The following ZNF438 variants were observed in gnomAD, a reference collection of about 807,000 sequenced individuals.
ZNF438 encodes the protein zinc finger protein 438.
Under a neutral mutation model 38.0 loss-of-function variants are expected in ZNF438, and 25 were observed. The ratio of observed to expected loss-of-function variants is 0.66; its 90% CI spans 0.48 to 0.92. The LOEUF (loss-of-function observed/expected upper bound fraction) is 0.92. Ranked by LOEUF, ZNF438 falls within the 40% of genes least tolerant of loss-of-function variation. The probability of loss-of-function intolerance (pLI) is 0.00; values close to 1 mark genes in which losing one functional copy is unlikely to be tolerated. For missense variants in ZNF438, 1,007 were observed against 999.6 expected (o/e 1.01, Z -0.10); for synonymous variants, 372 against 364.1 (o/e 1.02, Z -0.25).
intron 2 of ZNF438, among the ~76,000 whole-genome samples, chr10:30,938,147 T>C (rs1305100219): frequency 6.6e-6 from 1 of 152,220 alleles, no homozygotes; most frequent in Non-Finnish European, 1.5e-5. Context: ...TCTAATTCCC[T>C]GCCCCGCACC....
In ZNF438 at chr10:30,877,013, G is replaced by T. The variant is rs750702381; in HGVS notation, c.22C>A (p.Pro8Thr). 1.6e-5 allele frequency: 26 copies of T among 1,605,224 alleles called. No homozygotes were observed. The highest frequency in any genetic ancestry group is 2.0e-5 in the Non-Finnish European group (23 of 1,175,850). ...TTTAACTTACCTTCATCTTTTGGTGGTACTGATACAGAATTCTGCATTATG... is the reference window on the plus strand; with the variant it reads ...TTTAACTTACCTTCATCTTTTGGTGTTACTGATACAGAATTCTGCATTATG... Residue 8 changes from proline (P) to threonine (T), a missense_variant, in exon 4 of 6, where the codon CCA becomes ACA. Coordinates refer to ENST00000413025, the Ensembl canonical transcript of ZNF438.
intron 1 of ZNF438, among the ~76,000 whole-genome samples, chr10:31,000,947 C>T (rs777204704): frequency 6.6e-6 from 1 of 152,122 alleles, no homozygotes; most frequent in African/African-American, 2.4e-5. Context: ...CCCCTTTTCT[C>T]CTATCCATCT....
At chr10:30,955,202 G>C (rs1424032938) in intron 1 of ZNF438, among the ~76,000 whole-genome samples, 2 of 152,192 alleles carry the variant, frequency 1.3e-5, no homozygotes, top group Admixed American at 6.5e-5. Context: ...GTAAAGAAGA[G>C]TTGGAAAATA....
At chr10:30,881,143 T>C (rs576837032) in intron 3 of ZNF438, among the ~76,000 whole-genome samples, 20 of 152,208 alleles carry the variant, frequency 1.3e-4, no homozygotes, top group African/African-American at 3.6e-4. Context: ...GCCAGTGCAA[T>C]AGAGCAAAAA....
exon 5 of ZNF438, chr10:30,849,723 G>A (rs750946580): frequency 1.2e-6 from 2 of 1,614,194 alleles, no homozygotes; most frequent in Non-Finnish European, 1.7e-6. Flanking sequence ...TGCTTGGCAG[G>A]CTCCTCTGGT....
intron 1 of ZNF438, among the ~76,000 whole-genome samples, chr10:30,961,998 T>G (rs535821948): frequency 6.8e-6 from 1 of 147,182 alleles, no homozygotes; most frequent in Admixed American, 6.8e-5. Context: ...TAAGAAATTC[T>G]GTTGTAAAGT....
chr10:30,924,275 A>G (rs971929556), intron 2 of ZNF438, among the ~76,000 whole-genome samples: 2 of 152,166 alleles, frequency 1.3e-5, no homozygotes, highest in Admixed American at 1.3e-4. Context: ...GGCTTTAATC[A>G]GGTGCTGCAG....
chr10:30,902,766 C>T (rs1024692127), intron 3 of ZNF438, among the ~76,000 whole-genome samples: 18 of 152,222 alleles, frequency 1.2e-4, no homozygotes, highest in South Asian at 2.1e-4. Context: ...GATCTCCCAC[C>T]GGGCCGCAGG....
At chr10:30,873,013 T>C (rs867888858) in intron 4 of ZNF438, among the ~76,000 whole-genome samples, 4 of 152,194 alleles carry the variant, frequency 2.6e-5, no homozygotes, top group Admixed American at 1.3e-4. Context: ...AGTTTTCTTA[T>C]ATGGGAAGTA....
intron 1 of ZNF438, among the ~76,000 whole-genome samples, chr10:31,017,005 T>A (rs1161008977): frequency 6.6e-6 from 1 of 152,192 alleles, no homozygotes; most frequent in Non-Finnish European, 1.5e-5. Flanking sequence ...TGTAGCTCCT[T>A]CCTAGTCCAG....
chr10:31,023,062 A>C (rs1186156514), intron 1 of ZNF438, among the ~76,000 whole-genome samples: 3 of 152,260 alleles, frequency 2.0e-5, no homozygotes, highest in Non-Finnish European at 2.9e-5. Flanking sequence ...CTAATACTTT[A>C]TATAAATGGT....
intron 3 of ZNF438, among the ~76,000 whole-genome samples, chr10:30,896,746 T>C (rs2041400016): frequency 6.6e-6 from 1 of 152,052 alleles, no homozygotes; most frequent in Non-Finnish European, 1.5e-5. Flanking sequence ...AGATGAAAAA[T>C]TCTAGAGTTT....
intron 4 of ZNF438, among the ~76,000 whole-genome samples, chr10:30,869,688 T>C (rs1471370338): frequency 6.6e-6 from 1 of 152,210 alleles, no homozygotes; most frequent in African/African-American, 2.4e-5. Context: ...CAACATTAAG[T>C]AGTTAACCAA....
intron 1 of ZNF438, among the ~76,000 whole-genome samples, chr10:30,983,951 T>C (rs1234740768): frequency 2.6e-5 from 4 of 152,182 alleles, no homozygotes; most frequent in Non-Finnish European, 4.4e-5. Flanking sequence ...GAAATTAACA[T>C]TGATTAATTT....
chr10:30,849,537 CT>C lies in ZNF438; in HGVS notation c.867del (p.Lys291AsnfsTer10). The C allele has an allele frequency of 6.2e-7, 1 of 1,614,180 alleles. No homozygotes were observed. Among genetic ancestry groups the C allele is most frequent in the African/African-American group, 1.3e-5 (1 of 75,046 alleles). On this transcript the variant is annotated frameshift_variant, in exon 5 of 6. Transcript: ENST00000413025. LOFTEE classifies it high-confidence loss of function. ...GAGTAGGGTGGGATTGGCAGTTTCC[CT>C]TTGGGGACTGAAGAGATCAACTGAA...
At chr10:31,007,108 T>C (rs2055211432) in intron 1 of ZNF438, among the ~76,000 whole-genome samples, 1 of 152,032 alleles carries the variant, frequency 6.6e-6, no homozygotes. Context: ...AGTGAAGGAA[T>C]GCAGGCAGCC....
At chr10:30,867,693 G>GA (rs879508129) in intron 4 of ZNF438, among the ~76,000 whole-genome samples, 10 of 152,154 alleles carry the variant, frequency 6.6e-5, no homozygotes, top group Non-Finnish European at 1.2e-4. Context: ...AATGAGAATA[G>GA]AAAATCACAT....
chr10:30,848,738 A>G (rs989217713), exon 5 of ZNF438: 1 of 1,614,092 alleles, frequency 6.2e-7, no homozygotes. Context: ...ACCATGATGA[A>G]GTTTCATGTG....
exon 5 of ZNF438, chr10:30,848,959 C>T: frequency 6.2e-7 from 1 of 1,614,150 alleles, no homozygotes; most frequent in Non-Finnish European, 8.5e-7. Context: ...TGTTGTCTTG[C>T]TTACAGCCAA....
Sources: gnomAD v4.1 joint callset for allele counts (sites outside exome capture counted in the v4.1 genomes callset) on GRCh38, gnomAD v4.1.1 for gene constraint, MANE v1.5 for transcripts, NCBI Gene and HGNC (gene_info 2026-07-23, HGNC 2026-07-21) for gene names.